PLLP: variants seen among roughly 807,000 people sequenced by gnomAD.
PLLP encodes plasma membrane proteolipid (plasmolipin).
PLLP carries 15 observed loss-of-function variants against 19.7 expected under a neutral mutation model. The observed-to-expected ratio is 0.76, with a 90% CI of 0.51 to 1.17. PLLP has a LOEUF of 1.17. Ranked by LOEUF, PLLP falls within the 50% of genes most tolerant of loss-of-function variation. PLLP has a pLI of 0.00. For missense variants in PLLP, 255 were observed against 258.3 expected, an observed-to-expected ratio of 0.99 and a Z score of 0.09; for synonymous variants, 111 against 116.3, an observed-to-expected ratio of 0.95 and a Z score of 0.29.
chr16:57,261,385 A>G (rs768142281), intron 2 of PLLP, among the ~76,000 whole-genome samples: 2 of 152,122 alleles, frequency 1.3e-5, no homozygotes, highest in Non-Finnish European at 2.9e-5. Flanking sequence ...CTCCTGGGAC[A>G]AAGTCAAGCC....
chr16:57,279,332 A>T (rs1444481217), intron 1 of PLLP, among the ~76,000 whole-genome samples: 1 of 150,510 alleles, frequency 6.6e-6, no homozygotes, highest in Non-Finnish European at 1.5e-5. Context: ...GATCATGGAG[A>T]TCTAGGGAAG....
chr16:57,266,594 G>A (rs2075457987), intron 1 of PLLP, among the ~76,000 whole-genome samples: 1 of 152,198 alleles, frequency 6.6e-6, no homozygotes, highest in African/African-American at 2.4e-5. Context: ...AGGTGAGGGA[G>A]GGGCAGGGAG....
intron 1 of PLLP, among the ~76,000 whole-genome samples, chr16:57,270,404 C>G (rs2075471040): frequency 6.6e-6 from 1 of 151,130 alleles, no homozygotes; most frequent in African/African-American, 2.4e-5. Flanking sequence ...TTCCCAGGTC[C>G]CCGAGTCCTT....
Position 57,262,079 on chromosome 16 carries a change from G to A in PLLP, c.136-9C>T. 1 of 1,613,944 alleles carries A rather than the reference G, an allele frequency of 6.2e-7. No individual in the cohort carries two copies. Among genetic ancestry groups the A allele is most frequent in the Non-Finnish European group, 8.5e-7 (1 of 1,179,852 alleles). On this transcript the variant is annotated splice_polypyrimidine_tract_variant and intron_variant, in intron 1 of 3. Coordinates refer to ENST00000219207, the MANE Select transcript of PLLP (RefSeq NM_015993.3). ...ACCAGCAGCCCCAGCACCTAGGAGG[G>A]TCAGACAAGGCAGGATTGGCCAGAG...
At chr16:57,266,850 A>C (rs2075458842) in intron 1 of PLLP, among the ~76,000 whole-genome samples, 1 of 147,118 alleles carries the variant, frequency 6.8e-6, no homozygotes. Context: ...TGGAAATCTC[A>C]AGGGCACAGG....
In PLLP at chr16:57,256,748, T is replaced by C; in HGVS notation, c.*165A>G. On this transcript the variant is annotated 3_prime_UTR_variant, in exon 4 of 4. Transcript: ENST00000219207. ...GAGATGCCTGCCAGCCTGGGCCTGCTTCCTTAGCGCTGTGAGAGCTTATGT... is the reference window on the plus strand; with the variant it reads ...GAGATGCCTGCCAGCCTGGGCCTGCCTCCTTAGCGCTGTGAGAGCTTATGT... The C allele has an allele frequency of 1.7e-6, 1 of 575,590 alleles. No individual in the cohort carries two copies. Among genetic ancestry groups the C allele is most frequent in the Non-Finnish European group, 3.1e-6 (1 of 322,614 alleles). 35.7% of individuals were successfully genotyped at this position (575,590 alleles called of 1,614,324 possible).
At chr16:57,278,183 T>C (rs766926882) in intron 1 of PLLP, among the ~76,000 whole-genome samples, 1 of 152,084 alleles carries the variant, frequency 6.6e-6, no homozygotes, top group African/African-American at 2.4e-5. Context: ...CTACTAAAAA[T>C]ACAATAATGA....
Position 57,283,243 on chromosome 16 carries a change from G to T in PLLP, c.135+1163C>A, listed in dbSNP as rs566041700. On this transcript the variant is annotated intron_variant, in intron 1 of 3. Coordinates refer to ENST00000219207, the MANE Select transcript of PLLP (RefSeq NM_015993.3). ...AATAATCTAAATTTTAAACAAACCC[G>T]CCAGGAGATTCAGAGGTTGGGGAGG... Among the ~76,000 whole-genome samples, 35 of 152,100 alleles carry T rather than the reference G, an allele frequency of 2.3e-4. No homozygotes were observed. The South Asian group carries it at 6.4e-3, about 28-fold the overall frequency.
intron 1 of PLLP, among the ~76,000 whole-genome samples, chr16:57,263,730 C>T (rs2075448799): frequency 6.6e-6 from 1 of 151,538 alleles, no homozygotes; most frequent in African/African-American, 2.4e-5. Flanking sequence ...CCTACCCCCA[C>T]CCACCCCTTG....
At chr16:57,281,068 G>A (rs532502361) in intron 1 of PLLP, among the ~76,000 whole-genome samples, 1 of 152,104 alleles carries the variant, frequency 6.6e-6, no homozygotes, top group African/African-American at 2.4e-5. Flanking sequence ...GATCCCTCTG[G>A]GAGAAGCACA....
chr16:57,262,214 G>A, intron 1 of PLLP, 144 bp from the exon 2 acceptor site: 1 of 751,952 alleles, frequency 1.3e-6, no homozygotes, highest in Non-Finnish European at 2.2e-6. Context: ...TGGAGGCCAG[G>A]AGTTCAAGAC....
At chr16:57,265,802 T>C (rs1461463033) in intron 1 of PLLP, among the ~76,000 whole-genome samples, 2 of 152,118 alleles carry the variant, frequency 1.3e-5, no homozygotes, top group Non-Finnish European at 2.9e-5. Context: ...CTGAGGCAGG[T>C]GGATCACTTG....
At chr16:57,277,287 T>C (rs761231854) in intron 1 of PLLP, among the ~76,000 whole-genome samples, 19 of 152,190 alleles carry the variant, frequency 1.2e-4, no homozygotes, top group Non-Finnish European at 2.5e-4. Context: ...TGTAAATACA[T>C]TACCTATTAA....
intron 2 of PLLP, among the ~76,000 whole-genome samples, chr16:57,259,074 G>T (rs1437912732): frequency 6.6e-6 from 1 of 152,168 alleles, no homozygotes; most frequent in Admixed American, 6.5e-5. Flanking sequence ...TTTCCAGGGA[G>T]TCAGCCCATG....
At chr16:57,259,204 CAGAA>C (rs2075435115) in intron 2 of PLLP, among the ~76,000 whole-genome samples, 1 of 152,184 alleles carries the variant, frequency 6.6e-6, no homozygotes, top group Non-Finnish European at 1.5e-5. Context: ...CCATTCCTCA[CAGAA>C]AGAGCCCAAT....
rs532689715 is a variant in PLLP at position 57,261,515 on chromosome 16, A to G, written c.309+382T>C. On this transcript the variant is annotated intron_variant, in intron 2 of 3. Transcript: ENST00000219207. ...GAGAACTGCTTGAGCCCAGGAGTTC[A>G]AGACCAGCCTGGGAAATAAAGTGAG... is the stretch of plus-strand genomic sequence containing the variant. 9.2e-5 allele frequency among the ~76,000 whole-genome samples: 14 copies of G among 152,206 alleles called. 1 individual carries two copies. The highest frequency in any genetic ancestry group is 7.9e-4 in the Admixed American group (12 of 15,278).
intron 1 of PLLP, among the ~76,000 whole-genome samples, chr16:57,276,077 C>T (rs1276513803): frequency 6.6e-6 from 1 of 152,158 alleles, no homozygotes; most frequent in East Asian, 1.9e-4. Context: ...CACTCCACTC[C>T]AGCCTGGGTG....
At chr16:57,263,833 A>C (rs2075449130) in intron 1 of PLLP, among the ~76,000 whole-genome samples, 2 of 152,170 alleles carry the variant, frequency 1.3e-5, no homozygotes, top group South Asian at 4.1e-4. Flanking sequence ...GCTTTGGAGA[A>C]AGGCTCCATT....
At chr16:57,272,336 G>A (rs569347773) in intron 1 of PLLP, among the ~76,000 whole-genome samples, 26 of 152,328 alleles carry the variant, frequency 1.7e-4, no homozygotes, top group Non-Finnish European at 3.4e-4. Context: ...GAGCATCACT[G>A]CTCTTGAAGC....
Sources: allele counts gnomAD v4.1 joint callset (sites outside exome capture counted in the v4.1 genomes callset), GRCh38; gene constraint gnomAD v4.1.1; transcripts MANE v1.5; gene names NCBI Gene and HGNC (gene_info 2026-07-23, HGNC 2026-07-21).